Variants in HMCN1 observed in about 807,000 individuals in gnomAD.
HMCN1 encodes hemicentin 1.
HMCN1 carries 321 observed loss-of-function variants against 625.9 expected under a neutral mutation model. That is an observed-to-expected ratio of 0.51 (90% CI 0.47 to 0.56). The LOEUF is 0.56. Among genes scored for constraint, HMCN1 ranks in the 20% least tolerant of loss-of-function variants. The pLI, the probability that HMCN1 is intolerant of heterozygous loss-of-function variation, is 0.00. For synonymous variants in HMCN1, 2,425 were observed against 2,417.6 expected, an observed-to-expected ratio of 1.00 and a Z score of -0.09; for missense variants, 6,588 against 6,887.3, an observed-to-expected ratio of 0.96 and a Z score of 1.54.
Position 186,081,191 on chromosome 1 carries a change from T to G in HMCN1, c.8600-16T>G. The G allele has an allele frequency of 6.2e-7, 1 of 1,608,330 alleles. No individual in the cohort carries two copies. The highest frequency in any genetic ancestry group is 8.5e-7 in the Non-Finnish European group (1 of 1,174,834). The stretch of plus-strand genomic sequence containing the variant: ...CTGTTGCCCATTTTTCTCCCTTTGT[T>G]GCAATCCTTTGTTAGTGCCGCCAAT... On this transcript the variant is annotated splice_polypyrimidine_tract_variant and intron_variant, in intron 55 of 106. Transcript: ENST00000271588.
chr1:186,188,344 G>A (rs1180782971), intron 106 of HMCN1, among the ~76,000 whole-genome samples: 6 of 152,138 alleles, frequency 3.9e-5, no homozygotes, highest in African/African-American at 1.4e-4. Context: ...CATTTCTGTT[G>A]TGTTGCCTCA....
chr1:185,764,342 G>A (rs1655722324), intron 1 of HMCN1, among the ~76,000 whole-genome samples: 1 of 152,130 alleles, frequency 6.6e-6, no homozygotes, highest in Non-Finnish European at 1.5e-5. Context: ...TAGTATTTCT[G>A]TAAGAAGTTA....
rs1296038779 is a variant in HMCN1, at chr1:185,909,600, C to G, written c.793+92C>G. ...CTTGTTTTTGTCAAGTTAATGCCAACTTCATGAATAAATTCAATAAATTCA... is the reference window on the plus strand; with the variant it reads ...CTTGTTTTTGTCAAGTTAATGCCAAGTTCATGAATAAATTCAATAAATTCA... On this transcript the variant is annotated intron_variant, in intron 5 of 106. Transcript: ENST00000271588. The G allele has an allele frequency of 2.8e-6, 3 of 1,076,330 alleles. No individual in the cohort carries two copies. In the African/African-American group the frequency reaches 4.7e-5, roughly 17 times the overall value. 66.7% of individuals were successfully genotyped at this position (1,076,330 alleles called of 1,614,324 possible). A position where few individuals can be genotyped will look rare whatever the true frequency, so the allele number is the denominator to read the frequency against.
intron 63 of HMCN1, 136 bp downstream of exon 63, chr1:186,088,891 CTG>C (rs1659684229): frequency 1.1e-6 from 1 of 874,620 alleles, no homozygotes; most frequent in African/African-American, 1.7e-5. Context: ...CATCAGTTTT[CTG>C]TCTTATATTT....
chr1:186,181,710 G>A (rs1395943338), intron 104 of HMCN1, among the ~76,000 whole-genome samples: 1 of 152,156 alleles, frequency 6.6e-6, no homozygotes, highest in African/African-American at 2.4e-5. Context: ...GCTGCAGGGA[G>A]AGAGAAAGAG....
At chr1:186,020,042 G>A (rs1464309247) in intron 35 of HMCN1, among the ~76,000 whole-genome samples, 1 of 151,866 alleles carries the variant, frequency 6.6e-6, no homozygotes, top group Non-Finnish European at 1.5e-5. Flanking sequence ...GTAAAATTAA[G>A]ATACAGTCAT....
chr1:186,102,243 T>C (rs1474112496), intron 68 of HMCN1, among the ~76,000 whole-genome samples: 1 of 152,054 alleles, frequency 6.6e-6, no homozygotes. Flanking sequence ...ATATGTAAGA[T>C]AGATAGAAGT....
rs755200248 is a variant in HMCN1, at chr1:186,015,393, A to G, written c.4865A>G (p.Asn1622Ser). 12 of 1,613,536 alleles carry G rather than the reference A, an allele frequency of 7.4e-6. No individual in the cohort carries two copies. Among genetic ancestry groups the G allele is most frequent in the South Asian group, 2.2e-5 (2 of 91,078 alleles). Residue 1622 changes from asparagine to serine, a missense_variant, in exon 31 of 107, where the codon AAT (asparagine) becomes AGT (serine). Physicochemically the swap from Asn to Ser is conservative, Grantham distance 46 (BLOSUM62 1). Transcript: ENST00000271588. ...GCAACATATACGTGTCATGTAGCCA[A>G]TGTTGCTGGAACTGCTGAAAAATCA... ...DSATYTCHVA[N>S]VAGTAEKSFH...
At chr1:186,186,482 G>A (rs1653314581) in intron 105 of HMCN1, among the ~76,000 whole-genome samples, 1 of 152,124 alleles carries the variant, frequency 6.6e-6, no homozygotes, top group African/African-American at 2.4e-5. Context: ...AGCTGAGATT[G>A]CACCACTACA....
intron 1 of HMCN1, among the ~76,000 whole-genome samples, chr1:185,818,052 C>G (rs1001309325): frequency 6.6e-6 from 1 of 152,092 alleles, no homozygotes; most frequent in African/African-American, 2.4e-5. Context: ...TTTATTATTT[C>G]TTCTGGACTT....
intron 53 of HMCN1, among the ~76,000 whole-genome samples, 189 bp downstream of exon 53, chr1:186,075,080 A>C (rs903569155): frequency 6.6e-6 from 1 of 152,120 alleles, no homozygotes; most frequent in African/African-American, 2.4e-5. Context: ...TGTTATTTTT[A>C]TGTGTTTCCT....
intron 95 of HMCN1, among the ~76,000 whole-genome samples, chr1:186,152,289 T>TA (rs1361012924): frequency 2.6e-5 from 4 of 152,312 alleles, no homozygotes; most frequent in African/African-American, 7.2e-5. Flanking sequence ...CAGTGACCTT[T>TA]AAGGAAGAGG....
chr1:185,933,416 T>TTA lies in HMCN1; in HGVS notation c.1553-132_1553-131insAT. On this transcript the variant is annotated intron_variant, in intron 10 of 106. Coordinates refer to ENST00000271588, the MANE Select transcript of HMCN1 (RefSeq NM_031935.3). Reference sequence around the variant, plus strand: ...GGGGGCTCATAGACATATGCATTAATTGAGTAAGTTCTGTTGCACTGCATC... The same window carrying TTA: ...GGGGGCTCATAGACATATGCATTAATTATGAGTAAGTTCTGTTGCACTGCATC... 4.8e-6 allele frequency: 4 copies of TTA among 836,480 alleles called. No individual in the cohort carries two copies. In the Admixed American group the frequency reaches 6.0e-5, roughly 13 times the overall value. The allele number at this position is 836,480 out of a possible 1,614,324, so 51.8% of individuals were successfully genotyped here.
chr1:186,023,613 C>A (rs1196411790), intron 36 of HMCN1, among the ~76,000 whole-genome samples: 2 of 152,116 alleles, frequency 1.3e-5, no homozygotes, highest in African/African-American at 4.8e-5. Flanking sequence ...TCAATAAAAT[C>A]ATAGCTTCAC....
intron 40 of HMCN1, among the ~76,000 whole-genome samples, chr1:186,042,799 G>A (rs1656291750): frequency 6.6e-6 from 1 of 151,928 alleles, no homozygotes; most frequent in Non-Finnish European, 1.5e-5. Context: ...TTTTATATTT[G>A]TAGTAGTAAC....
intron 43 of HMCN1, 151 bp from the exon 44 acceptor site, chr1:186,053,674 C>A: frequency 1.4e-6 from 1 of 731,054 alleles, no homozygotes; most frequent in Non-Finnish European, 2.3e-6. Context: ...AATATTACTG[C>A]TCCTTCATTT....
At chr1:185,743,753 C>G (rs148665603) in intron 1 of HMCN1, among the ~76,000 whole-genome samples, 2 of 152,264 alleles carry the variant, frequency 1.3e-5, no homozygotes, top group Non-Finnish European at 2.9e-5. Context: ...GTGATGCTAT[C>G]AGTTTTTCCT....
chr1:185,987,683 G>A, intron 20 of HMCN1, 139 bp downstream of exon 20: 1 of 727,346 alleles, frequency 1.4e-6, no homozygotes, highest in African/African-American at 1.7e-5. Context: ...TATGTGGCTG[G>A]ACAGATGTGC....
intron 12 of HMCN1, 27 bp downstream of exon 12, chr1:185,962,686 T>G (rs757515729): frequency 7.3e-7 from 1 of 1,377,254 alleles, no homozygotes; most frequent in Non-Finnish European, 1.0e-6. Context: ...ATGTTTTTGT[T>G]TTTATTGAGT....
Sources: allele counts gnomAD v4.1 joint callset (sites outside exome capture counted in the v4.1 genomes callset), GRCh38; gene constraint gnomAD v4.1.1; transcripts MANE v1.5; gene names NCBI Gene and HGNC (gene_info 2026-07-23, HGNC 2026-07-21).